Variants in GNG2 observed in about 807,000 individuals in gnomAD.
GNG2 encodes the protein guanine nucleotide-binding protein G(I)/G(S)/G(O) subunit gamma-2.
GNG2 carries 5 observed loss-of-function variants against 5.5 expected under a neutral mutation model. That is an observed-to-expected ratio of 0.91 (90% CI 0.48 to 1.92). GNG2 has a LOEUF of 1.92. Ranked by LOEUF, GNG2 falls within the 30% of genes most tolerant of loss-of-function variation. The pLI is 0.01. For missense variants in GNG2, 55 were observed against 88.4 expected (o/e 0.62, Z 1.52); for synonymous variants, 28 against 32.0 (o/e 0.88, Z 0.42).
intron 2 of GNG2, among the ~76,000 whole-genome samples, chr14:51,878,663 G>A (rs554356964): frequency 2.0e-5 from 3 of 152,076 alleles, no homozygotes; most frequent in Non-Finnish European, 2.9e-5. Context: ...TAAGAGGATC[G>A]ATTTTCCTCA....
intron 2 of GNG2, among the ~76,000 whole-genome samples, chr14:51,949,120 CAAA>C (rs1179223330): frequency 9.1e-5 from 7 of 77,024 alleles, no homozygotes; most frequent in Admixed American, 1.5e-4. Flanking sequence ...GACTCCGTCT[CAAA>C]AAAAAAAAAA....
chr14:51,934,569 C>CG (rs371845499), intron 2 of GNG2, among the ~76,000 whole-genome samples: 2 of 151,994 alleles, frequency 1.3e-5, no homozygotes, highest in African/African-American at 2.4e-5. Flanking sequence ...AACTGAGGCC[C>CG]GGGGGGAAAT....
chr14:51,857,578 G>A (rs1340058042), upstream of GNG2, among the ~76,000 whole-genome samples: 2 of 152,184 alleles, frequency 1.3e-5, no homozygotes, highest in East Asian at 3.9e-4. Flanking sequence ...GCTTCGAAGA[G>A]AGACTGGAGG....
intron 3 of GNG2, chr14:51,951,761 T>G: frequency 1.7e-6 from 1 of 603,964 alleles, no homozygotes; most frequent in East Asian, 2.9e-5. Context: ...AAGAAAGTTT[T>G]ATTAGAACAC....
At chr14:51,854,386 C>A (rs2993998) in intron 2 of GNG2, among the ~76,000 whole-genome samples, 63,676 of 152,122 alleles carry the variant, frequency 0.42, 14,282 homozygotes, top group African/African-American at 0.59. Context: ...CAGAAACATA[C>A]AAGGCAGCCC....
chr14:51,892,314 A>AT (rs199510688), intron 2 of GNG2, among the ~76,000 whole-genome samples: 118 of 150,282 alleles, frequency 7.9e-4, no homozygotes, highest in South Asian at 2.1e-3. Context: ...TATTTATTTT[A>AT]TTTTATTTTT....
chr14:51,908,272 C>A (rs1594900970), intron 2 of GNG2, among the ~76,000 whole-genome samples: 1 of 152,126 alleles, frequency 6.6e-6, no homozygotes, highest in African/African-American at 2.4e-5. Context: ...AAAGAGGGCC[C>A]AAGACGGAAG....
chr14:51,916,613 C>T, intron 2 of GNG2: 1 of 400,278 alleles, frequency 2.5e-6, no homozygotes, highest in Non-Finnish European at 4.9e-6. Flanking sequence ...GGGGAGGAAG[C>T]CAGAAGTAGA....
chr14:51,853,076 C>T (rs1349293040), intron 2 of GNG2, among the ~76,000 whole-genome samples: 4 of 152,072 alleles, frequency 2.6e-5, no homozygotes, highest in African/African-American at 4.8e-5. Context: ...TTTAAGCAGC[C>T]TTAGTAGTTG....
chr14:51,909,189 C>A (rs1228868224), intron 2 of GNG2, among the ~76,000 whole-genome samples: 1 of 152,152 alleles, frequency 6.6e-6, no homozygotes. Flanking sequence ...AATAGAATAA[C>A]TTTACCAGAA....
chr14:51,891,617 C>T (rs1884858461), intron 2 of GNG2, among the ~76,000 whole-genome samples: 1 of 152,106 alleles, frequency 6.6e-6, no homozygotes, highest in Non-Finnish European at 1.5e-5. Flanking sequence ...TTATCACTTC[C>T]CTGCATATGG....
intron 2 of GNG2, among the ~76,000 whole-genome samples, chr14:51,906,269 T>C (rs564038860): frequency 6.6e-6 from 1 of 152,230 alleles, no homozygotes; most frequent in African/African-American, 2.4e-5. Context: ...TTTGTTTTTT[T>C]AAAAAACCTA....
At chr14:51,888,571 C>T (rs1884620821) in intron 2 of GNG2, among the ~76,000 whole-genome samples, 1 of 152,168 alleles carries the variant, frequency 6.6e-6, no homozygotes, top group Non-Finnish European at 1.5e-5. Context: ...CTTCCTACCT[C>T]AGCCTCAATT....
intron 2 of GNG2, among the ~76,000 whole-genome samples, chr14:51,892,349 T>A (rs754087758): frequency 3.3e-5 from 5 of 152,028 alleles, no homozygotes; most frequent in Non-Finnish European, 7.4e-5. Context: ...TCTCACTTTG[T>A]CCCTCAGGGT....
At chr14:51,867,940 C>A (rs146062357) in intron 1 of GNG2, among the ~76,000 whole-genome samples, 1 of 152,100 alleles carries the variant, frequency 6.6e-6, no homozygotes, top group South Asian at 2.1e-4. Flanking sequence ...TTGAGGACAG[C>A]GGTCACATCT....
intron 3 of GNG2, among the ~76,000 whole-genome samples, chr14:51,958,442 C>CCG (rs923554949): frequency 1.4e-5 from 2 of 140,488 alleles, no homozygotes; most frequent in Non-Finnish European, 3.1e-5. Context: ...CTTCCGTTCC[C>CCG]CCCCCCCATT....
chr14:51,937,562 A>G (rs1888081457), intron 2 of GNG2, among the ~76,000 whole-genome samples: 1 of 151,998 alleles, frequency 6.6e-6, no homozygotes. Context: ...TGTTTTCTGA[A>G]TCTCTATGCT....
rs150460864 is a variant in GNG2 at position 51,884,890 on chromosome 14, G to A, written c.-30+7233G>A. Among the ~76,000 whole-genome samples the A allele has an allele frequency of 7.4e-3, 1,134 of 152,314 alleles. 7 individuals carry two copies. The highest frequency in any genetic ancestry group is 0.019 in the African/African-American group (773 of 41,564). Reference sequence around the variant, plus strand: ...GAGGGTGGGCCTGCCATCAGCAGGGGCCAGTAGGTTCTTCCTCTGGAATTT... The same window carrying A: ...GAGGGTGGGCCTGCCATCAGCAGGGACCAGTAGGTTCTTCCTCTGGAATTT... On this transcript the variant is annotated intron_variant, in intron 2 of 3. Coordinates refer to ENST00000556766, the MANE Select transcript of GNG2 (RefSeq NM_053064.5).
intron 2 of GNG2, among the ~76,000 whole-genome samples, chr14:51,909,125 A>G (rs1244730073): frequency 6.6e-6 from 1 of 152,190 alleles, no homozygotes; most frequent in Non-Finnish European, 1.5e-5. Flanking sequence ...ATGTCAGTAT[A>G]TAGAATTCAT....
Sources: gnomAD v4.1 joint callset for allele counts (sites outside exome capture counted in the v4.1 genomes callset) on GRCh38, gnomAD v4.1.1 for gene constraint, MANE v1.5 for transcripts, NCBI Gene and HGNC (gene_info 2026-07-23, HGNC 2026-07-21) for gene names.